CAPZA2: variants seen among roughly 807,000 people sequenced by gnomAD.
CAPZA2 encodes F-actin-capping protein subunit alpha-2.
CAPZA2 carries 13 observed loss-of-function variants against 44.0 expected under a neutral mutation model. That is an observed-to-expected ratio of 0.30 (90% CI 0.19 to 0.47). CAPZA2 has a LOEUF of 0.47. Among genes scored for constraint, CAPZA2 ranks in the 20% least tolerant of loss-of-function variants. The pLI, the probability that CAPZA2 is intolerant of heterozygous loss-of-function variation, is 1.00. For missense variants in CAPZA2, 244 were observed against 338.6 expected (o/e 0.72, Z 2.19); for synonymous variants, 94 against 108.2 (o/e 0.87, Z 0.81).
At position 116,916,331 on chromosome 7, in the gene CAPZA2, A is replaced by G. The variant is rs546807108; in HGVS notation, c.720+209A>G. ...ATTCCATTAATAGTTTGTGTTTTCA[A>G]AATACTAAGACTAGGCCGAGCGCGG... On this transcript the variant is annotated intron_variant, in intron 9 of 9. Transcript: ENST00000361183. Among the ~76,000 whole-genome samples, 3 of 152,358 alleles carry G rather than the reference A, an allele frequency of 2.0e-5. No individual in the cohort carries two copies. The South Asian group carries it at 6.2e-4, about 32-fold the overall frequency.
At chr7:116,899,151 G>A (rs1796964622) in intron 4 of CAPZA2, among the ~76,000 whole-genome samples, 1 of 151,936 alleles carries the variant, frequency 6.6e-6, no homozygotes, top group African/African-American at 2.4e-5. Context: ...ATGTGTAGTA[G>A]ATTTATATCA....
intron 1 of CAPZA2, chr7:116,886,012 A>C (rs953876893): frequency 6.5e-6 from 1 of 154,790 alleles, no homozygotes; most frequent in African/African-American, 2.4e-5. Context: ...CCCCACCCTG[A>C]AGCTATCAGT....
chr7:116,872,062 A>G (rs1796560851), intron 1 of CAPZA2, among the ~76,000 whole-genome samples: 1 of 152,176 alleles, frequency 6.6e-6, no homozygotes, highest in Non-Finnish European at 1.5e-5. Flanking sequence ...GTCTCACTGT[A>G]TCACTGTATT....
At chr7:116,903,383 A>C (rs1797021270) in intron 4 of CAPZA2, among the ~76,000 whole-genome samples, 1 of 152,102 alleles carries the variant, frequency 6.6e-6, no homozygotes. Flanking sequence ...TTCTGTGTGT[A>C]TGCAAGTATA....
rs569667963 is a variant in CAPZA2 at position 116,909,559 on chromosome 7, T to C, written c.507-674T>C. On this transcript the variant is annotated intron_variant, in intron 6 of 9. Coordinates refer to ENST00000361183, the MANE Select transcript of CAPZA2 (RefSeq NM_006136.3). ...GAGGATATGCCTTTTATGTGGAGACTTTAAACATAAAATTGGAAAACTAAA... is the reference window on the plus strand; with the variant it reads ...GAGGATATGCCTTTTATGTGGAGACCTTAAACATAAAATTGGAAAACTAAA... Among the ~76,000 whole-genome samples the C allele has an allele frequency of 1.2e-3, 183 of 152,070 alleles. 1 individual carries two copies. Among genetic ancestry groups the C allele is most frequent in the South Asian group, 4.1e-3 (20 of 4,822 alleles).
At chr7:116,880,042 C>G in intron 1 of CAPZA2, 1 of 464,032 alleles carries the variant, frequency 2.2e-6, no homozygotes, top group Non-Finnish European at 4.4e-6. Context: ...TTCTCCCGCT[C>G]TGATTGATTT....
intron 7 of CAPZA2, 67 bp from the exon 8 acceptor site, chr7:116,912,002 C>T: frequency 6.3e-7 from 1 of 1,598,218 alleles, no homozygotes; most frequent in East Asian, 2.3e-5. Context: ...CATTGATATG[C>T]TTGTTGACGC....
chr7:116,905,354 C>T (rs747969147), intron 5 of CAPZA2, among the ~76,000 whole-genome samples: 6 of 152,000 alleles, frequency 3.9e-5, no homozygotes, highest in African/African-American at 9.7e-5. Flanking sequence ...AGAGATTTCC[C>T]GTTGCCTGGA....
chr7:116,863,313 G>T (rs1038730053), intron 1 of CAPZA2, among the ~76,000 whole-genome samples: 11 of 152,034 alleles, frequency 7.2e-5, no homozygotes, highest in Admixed American at 5.9e-4. Context: ...AGGAGGCAGC[G>T]GAGTTGCTCA....
chr7:116,889,249 A>G (rs1430141754), intron 2 of CAPZA2, among the ~76,000 whole-genome samples: 1 of 152,216 alleles, frequency 6.6e-6, no homozygotes, highest in Non-Finnish European at 1.5e-5. Flanking sequence ...AGAAAAATAC[A>G]TTACTTTCAA....
chr7:116,907,311 A>G (rs1475262956), intron 6 of CAPZA2, among the ~76,000 whole-genome samples: 2 of 152,230 alleles, frequency 1.3e-5, no homozygotes, highest in Non-Finnish European at 2.9e-5. Context: ...CTTAATGACT[A>G]GCCACAGTTC....
At chr7:116,911,533 G>A (rs1791597041) in intron 7 of CAPZA2, among the ~76,000 whole-genome samples, 1 of 152,082 alleles carries the variant, frequency 6.6e-6, no homozygotes, top group South Asian at 2.1e-4. Flanking sequence ...TTAACCCTCA[G>A]AAAGAATCTA....
Position 116,919,928 on chromosome 7 carries a change from A to C in CAPZA2, c.*2061A>C, listed in dbSNP as rs1156453016. ...ACAGTCTGAAATAATGATGGCACAG[A>C]ATAGTCTTTTATAGTATAAGAATGG... On this transcript the variant is annotated 3_prime_UTR_variant, in exon 10 of 10. Coordinates refer to ENST00000361183, the MANE Select transcript of CAPZA2 (RefSeq NM_006136.3). The C allele has an allele frequency of 1.3e-5, 2 of 150,556 alleles. No individual in the cohort carries two copies. The highest frequency in any genetic ancestry group is 1.3e-4 in the Admixed American group (2 of 15,028). The allele number at this position is 150,556 out of a possible 1,614,324, so 9.3% of individuals were successfully genotyped here. A position where few individuals can be genotyped will look rare whatever the true frequency, so the allele number is the denominator to read the frequency against.
At chr7:116,903,669 G>T (rs915369860) in intron 4 of CAPZA2, among the ~76,000 whole-genome samples, 5 of 152,174 alleles carry the variant, frequency 3.3e-5, no homozygotes, top group African/African-American at 4.8e-5. Context: ...ATTAAAATCA[G>T]TTGTCAATGT....
At chr7:116,894,139 G>A (rs1232695765) in intron 3 of CAPZA2, among the ~76,000 whole-genome samples, 3 of 152,110 alleles carry the variant, frequency 2.0e-5, no homozygotes, top group South Asian at 4.1e-4. Flanking sequence ...CGAGGCAGGC[G>A]GATTACGAGG....
intron 5 of CAPZA2, 137 bp downstream of exon 5, chr7:116,904,520 T>G (rs757563561): frequency 1.6e-6 from 1 of 608,146 alleles, no homozygotes; most frequent in Non-Finnish European, 2.9e-6. Flanking sequence ...CTAAGAATGT[T>G]TACTATTTTT....
chr7:116,879,938 G>A (rs1037545988), intron 1 of CAPZA2: 1 of 345,252 alleles, frequency 2.9e-6, no homozygotes, highest in Non-Finnish European at 5.7e-6. Flanking sequence ...GCCTTGAAGG[G>A]AGATTTAATG....
intron 3 of CAPZA2, among the ~76,000 whole-genome samples, chr7:116,895,400 T>A (rs918948892): frequency 2.0e-5 from 3 of 152,134 alleles, no homozygotes; most frequent in Non-Finnish European, 4.4e-5. Context: ...TAAATTATAT[T>A]TGTTGTAAGA....
chr7:116,899,229 C>T (rs1796964969), intron 4 of CAPZA2, among the ~76,000 whole-genome samples: 1 of 151,894 alleles, frequency 6.6e-6, no homozygotes, highest in Non-Finnish European at 1.5e-5. Flanking sequence ...ATTATTAAAT[C>T]TCTTCTTTCC....
Sources: allele counts gnomAD v4.1 joint callset (sites outside exome capture counted in the v4.1 genomes callset), GRCh38; gene constraint gnomAD v4.1.1; transcripts MANE v1.5; gene names NCBI Gene and HGNC (gene_info 2026-07-23, HGNC 2026-07-21).